Variants in MITF observed in about 807,000 individuals in gnomAD.
MITF encodes microphthalmia-associated transcription factor.
In MITF, 17 loss-of-function variants were observed where a neutral mutation model predicts 60.5. The observed-to-expected ratio is 0.28, with a 90% confidence interval of 0.19 to 0.42. The LOEUF (loss-of-function observed/expected upper bound fraction) is 0.42, where lower values mean the gene tolerates loss of function less well. MITF is among the 10% of genes least tolerant of loss of function. MITF has a pLI of 1.00. For synonymous variants in MITF, 260 were observed against 248.5 expected, an observed-to-expected ratio of 1.05 and a Z score of -0.43; for missense variants, 622 against 683.5, an observed-to-expected ratio of 0.91 and a Z score of 1.00.
chr3:69,842,409 T>C (rs11715024), intron 1 of MITF, among the ~76,000 whole-genome samples: 75,828 of 152,054 alleles, frequency 0.5, 20,556 homozygotes, highest in Non-Finnish European at 0.63. Context: ...GTTACTTTGC[T>C]TTGAATAACA....
At chr3:69,927,177 A>G (rs1415263663) in intron 2 of MITF, among the ~76,000 whole-genome samples, 1 of 152,086 alleles carries the variant, frequency 6.6e-6, no homozygotes, top group East Asian at 1.9e-4. Flanking sequence ...AATTTTGGAT[A>G]GCAGCATGTA....
chr3:69,957,752 C>T (rs2066435292), intron 8 of MITF, among the ~76,000 whole-genome samples: 1 of 152,188 alleles, frequency 6.6e-6, no homozygotes, highest in Non-Finnish European at 1.5e-5. Flanking sequence ...CAGTGAAAGC[C>T]TCTATTTGCA....
intron 2 of MITF, among the ~76,000 whole-genome samples, chr3:69,918,368 G>A (rs1341771802): frequency 6.6e-6 from 1 of 152,180 alleles, no homozygotes; most frequent in Non-Finnish European, 1.5e-5. Context: ...TTTTAATAAG[G>A]AAAGTAATAA....
intron 2 of MITF, among the ~76,000 whole-genome samples, chr3:69,885,658 A>G (rs1347764006): frequency 1.3e-5 from 2 of 152,226 alleles, no homozygotes; most frequent in East Asian, 3.9e-4. Context: ...GTGTCTTTTA[A>G]AATTTTATGG....
At chr3:69,777,372 G>A (rs2062491383) in intron 1 of MITF, among the ~76,000 whole-genome samples, 1 of 152,074 alleles carries the variant, frequency 6.6e-6, no homozygotes, top group African/African-American at 2.4e-5. Context: ...AGTCATTTGG[G>A]TCATTGTTGC....
At chr3:69,953,597 ATATG>A (rs1223751306) in intron 7 of MITF, among the ~76,000 whole-genome samples, 2 of 148,778 alleles carry the variant, frequency 1.3e-5, no homozygotes, top group Non-Finnish European at 3.0e-5. Context: ...GTATATATAT[ATATG>A]TATGTATATG....
At chr3:69,870,397 A>G (rs1452425685) in intron 1 of MITF, among the ~76,000 whole-genome samples, 1 of 148,442 alleles carries the variant, frequency 6.7e-6, no homozygotes, top group African/African-American at 2.5e-5. Context: ...TATGTGTATA[A>G]ATATATGTGT....
chr3:69,784,682 A>G (rs1234827068), intron 1 of MITF, among the ~76,000 whole-genome samples: 3 of 152,088 alleles, frequency 2.0e-5, no homozygotes, highest in Non-Finnish European at 4.4e-5. Context: ...ACTCTAATCC[A>G]TGGTAGATAA....
chr3:69,892,965 A>G (rs147591569), intron 2 of MITF, among the ~76,000 whole-genome samples: 1 of 152,366 alleles, frequency 6.6e-6, no homozygotes, highest in Non-Finnish European at 1.5e-5. Flanking sequence ...TTCTGTTGAA[A>G]TAAAACAAAC....
At chr3:69,947,260 C>T (rs947397693) in intron 5 of MITF, among the ~76,000 whole-genome samples, 2 of 152,258 alleles carry the variant, frequency 1.3e-5, no homozygotes, top group Admixed American at 6.5e-5. Flanking sequence ...AAAACCTCAA[C>T]GTTTTCCCAA....
At chr3:69,940,769 A>G (rs2065949936) in intron 4 of MITF, among the ~76,000 whole-genome samples, 1 of 152,200 alleles carries the variant, frequency 6.6e-6, no homozygotes, top group South Asian at 2.1e-4. Context: ...GTCATTCAAG[A>G]TGAAGTGCTG....
At chr3:69,946,770 A>G (rs941785754) in intron 5 of MITF, among the ~76,000 whole-genome samples, 3 of 152,160 alleles carry the variant, frequency 2.0e-5, no homozygotes, top group African/African-American at 7.2e-5. Context: ...AGAGTGCCCA[A>G]TGAGGCATCT....
At chr3:69,922,609 C>T (rs537118907) in intron 2 of MITF, among the ~76,000 whole-genome samples, 13 of 152,242 alleles carry the variant, frequency 8.5e-5, no homozygotes, top group African/African-American at 2.4e-4. Flanking sequence ...CTCTTCTTCC[C>T]GTTTTTGTTA....
intron 2 of MITF, among the ~76,000 whole-genome samples, chr3:69,935,052 G>A (rs1250590458): frequency 6.6e-6 from 1 of 152,142 alleles, no homozygotes; most frequent in African/African-American, 2.4e-5. Context: ...CTAGATAGAT[G>A]TGTGTCCTCT....
chr3:69,787,146 C>T (rs903339238), intron 1 of MITF, among the ~76,000 whole-genome samples: 1 of 152,142 alleles, frequency 6.6e-6, no homozygotes, highest in Non-Finnish European at 1.5e-5. Flanking sequence ...TTCTTATTGG[C>T]CACACTTAAG....
chr3:69,881,812 A>C (rs1345623486), intron 2 of MITF, among the ~76,000 whole-genome samples: 1 of 152,156 alleles, frequency 6.6e-6, no homozygotes, highest in Non-Finnish European at 1.5e-5. Flanking sequence ...ATTATGATAC[A>C]GATTATATTG....
At chr3:69,756,488 T>C (rs576269918) in intron 1 of MITF, among the ~76,000 whole-genome samples, 1 of 152,324 alleles carries the variant, frequency 6.6e-6, no homozygotes, top group Non-Finnish European at 1.5e-5. Context: ...GGCTGCATTG[T>C]ATTCCATGGT....
At chr3:69,872,862 C>T in intron 1 of MITF, among the ~76,000 whole-genome samples, 1 of 152,136 alleles carries the variant, frequency 6.6e-6, no homozygotes. Flanking sequence ...GCTTTTCTCC[C>T]TATGTACTGT....
At chr3:69,744,431 A>G (rs895137520) in intron 1 of MITF, among the ~76,000 whole-genome samples, 5 of 152,068 alleles carry the variant, frequency 3.3e-5, no homozygotes, top group African/African-American at 1.2e-4. Context: ...GTCCCTAACT[A>G]ACTGGGTGAC....
Sources: gnomAD v4.1 joint callset for allele counts (sites outside exome capture counted in the v4.1 genomes callset) on GRCh38, gnomAD v4.1.1 for gene constraint, MANE v1.5 for transcripts, NCBI Gene and HGNC (gene_info 2026-07-23, HGNC 2026-07-21) for gene names.